The following BNC2 variants were observed in gnomAD, a reference collection of about 807,000 sequenced individuals.
BNC2 encodes the protein zinc finger protein basonuclin-2.
Under a neutral mutation model 76.3 loss-of-function variants are expected in BNC2, and 20 were observed. The observed-to-expected ratio is 0.26, with a 90% CI of 0.18 to 0.38. The LOEUF is 0.38. Among genes scored for constraint, BNC2 ranks in the 10% least tolerant of loss-of-function variants. The pLI is 1.00. For synonymous variants in BNC2, 582 were observed against 514.8 expected (o/e 1.13, Z -1.77); for missense variants, 1,382 against 1,399.8 (o/e 0.99, Z 0.20).
intron 1 of BNC2, among the ~76,000 whole-genome samples, chr9:16,746,174 G>A (rs1249462927): frequency 6.6e-6 from 1 of 152,158 alleles, no homozygotes; most frequent in African/African-American, 2.4e-5. Flanking sequence ...GCTCAAAGCA[G>A]TCACCCAGGA....
rs746276703 is a variant in BNC2 at position 16,436,706 on chromosome 9, G to T, written c.1488C>A (p.Arg496=). The part of the protein sequence containing the change: ...RNRHSANPNP[R]LHMPMLRNNR... ...TATTCCTTAGCATAGGCATGTGAAG[G>T]CGAGGATTGGGGTTTGCACTGTGGC... The change falls in exon 6 of 7, where the codon CGC becomes CGA. Residue 496 remains arginine (R), a synonymous_variant. Coordinates refer to ENST00000380672, the MANE Select transcript of BNC2 (RefSeq NM_017637.6). 1 of 1,614,004 alleles carries T rather than the reference G, an allele frequency of 6.2e-7. No individual in the cohort carries two copies. Among genetic ancestry groups the T allele is most frequent in the Non-Finnish European group, 8.5e-7 (1 of 1,180,018 alleles).
At chr9:16,802,370 G>C (rs1217599468) in intron 1 of BNC2, among the ~76,000 whole-genome samples, 6 of 152,176 alleles carry the variant, frequency 3.9e-5, no homozygotes, top group African/African-American at 1.2e-4. Context: ...CAAATCATCT[G>C]ACACTTGCAA....
chr9:16,659,706 G>C (rs575088403), intron 3 of BNC2, among the ~76,000 whole-genome samples: 1 of 151,956 alleles, frequency 6.6e-6, no homozygotes, highest in Admixed American at 6.6e-5. Context: ...TCTGTGCAGG[G>C]CTTGCTCTCT....
At chr9:16,799,468 C>G (rs9407777) in intron 1 of BNC2, among the ~76,000 whole-genome samples, 14,343 of 152,158 alleles carry the variant, frequency 0.094, 797 homozygotes, top group African/African-American at 0.15. Context: ...GCACCTGCCA[C>G]AACACCTGGC....
intron 1 of BNC2, among the ~76,000 whole-genome samples, chr9:16,834,712 T>C (rs1329909953): frequency 6.6e-6 from 1 of 152,212 alleles, no homozygotes; most frequent in African/African-American, 2.4e-5. Context: ...TGATTTTTAG[T>C]CTTTTTTCTC....
At chr9:16,625,920 G>A (rs940642119) in intron 3 of BNC2, 15 of 152,180 alleles carry the variant, frequency 9.9e-5, no homozygotes, top group Non-Finnish European at 1.3e-4. Context: ...AATTACAGTG[G>A]AGAATGTCTA....
At chr9:16,627,644 C>T (rs534613224) in intron 3 of BNC2, among the ~76,000 whole-genome samples, 19 of 152,242 alleles carry the variant, frequency 1.2e-4, no homozygotes, top group Non-Finnish European at 1.9e-4. Flanking sequence ...GACAAAGAAA[C>T]TCCCATTTAT....
intron 1 of BNC2, among the ~76,000 whole-genome samples, chr9:16,799,568 G>A (rs987222799): frequency 1.3e-5 from 2 of 152,042 alleles, no homozygotes; most frequent in African/African-American, 4.8e-5. Flanking sequence ...GCCCACCTTG[G>A]CATCAGAAAG....
At chr9:16,582,877 T>C in intron 4 of BNC2, 106 bp downstream of exon 4, 1 of 872,272 alleles carries the variant, frequency 1.1e-6, no homozygotes, top group Non-Finnish European at 1.9e-6. Context: ...TCCAGGCCAG[T>C]GACTCCTCTA....
chr9:16,555,568 G>A (rs1336766130), intron 4 of BNC2, among the ~76,000 whole-genome samples: 1 of 151,620 alleles, frequency 6.6e-6, no homozygotes, highest in Non-Finnish European at 1.5e-5. Flanking sequence ...AGGCGAGACG[G>A]CAGATTGCCT....
At chr9:16,566,060 A>C (rs1010961630) in intron 4 of BNC2, among the ~76,000 whole-genome samples, 3 of 152,122 alleles carry the variant, frequency 2.0e-5, no homozygotes, top group African/African-American at 7.2e-5. Flanking sequence ...CTTTCTTATT[A>C]ACTCCTCTAA....
chr9:16,774,320 G>T (rs905750905), intron 1 of BNC2, among the ~76,000 whole-genome samples: 1 of 152,102 alleles, frequency 6.6e-6, no homozygotes, highest in Non-Finnish European at 1.5e-5. Flanking sequence ...ACTACTATTC[G>T]TTACATCTGA....
intron 3 of BNC2, among the ~76,000 whole-genome samples, chr9:16,634,022 C>T (rs957659233): frequency 2.6e-5 from 4 of 152,146 alleles, no homozygotes; most frequent in African/African-American, 2.4e-5. Flanking sequence ...CTACCCTATC[C>T]AAGCGTTTCT....
At chr9:16,775,697 T>G (rs1825946734) in intron 1 of BNC2, 1 of 221,730 alleles carries the variant, frequency 4.5e-6, no homozygotes, top group Admixed American at 4.3e-5. Context: ...TAGGATTTCT[T>G]CAATGGATAC....
chr9:16,800,472 C>T (rs12338608), intron 1 of BNC2, among the ~76,000 whole-genome samples: 14,285 of 151,736 alleles, frequency 0.094, 915 homozygotes, highest in Admixed American at 0.21. Context: ...ATATTCTTTT[C>T]ATATCAAAAA....
chr9:16,503,076 TGAA>T (rs1450105500), intron 5 of BNC2, among the ~76,000 whole-genome samples: 1 of 152,136 alleles, frequency 6.6e-6, no homozygotes, highest in African/African-American at 2.4e-5. Flanking sequence ...AATTTTCACA[TGAA>T]GAAGAGAAAT....
intron 1 of BNC2, among the ~76,000 whole-genome samples, chr9:16,862,810 CTG>C (rs1457233021): frequency 1.3e-5 from 2 of 152,020 alleles, no homozygotes; most frequent in Non-Finnish European, 2.9e-5. Flanking sequence ...GGAAATGAAA[CTG>C]TTAGAAAAAG....
Position 16,437,450 on chromosome 9 carries a change from A to C in BNC2, c.744T>G (p.Phe248Leu), listed in dbSNP as rs766596466. 6.2e-7 allele frequency: 1 copy of C among 1,613,176 alleles called. No homozygotes were observed. Among genetic ancestry groups the C allele is most frequent in the South Asian group, 1.1e-5 (1 of 90,960 alleles). ...REEEIITLQQFLRFGETKSIV... is the reference protein window; with the variant it reads ...REEEIITLQQLLRFGETKSIV... ...TGGATTTGGTTTCTCCAAACCGCAG[A>C]AACTGCTGAAGGGTGATGATTTCCT... is the stretch of plus-strand genomic sequence containing the variant. The change falls in exon 6 of 7, where the codon TTT becomes TTG. Residue 248 changes from phenylalanine (F) to leucine (L), a missense_variant. Phe to Leu is a conservative substitution (Grantham distance 22). This residue lies in a region of BNC2 where 557 missense variants were observed against 540.9 expected (regional missense o/e 1.03). Transcript: ENST00000380672.
chr9:16,773,706 A>C lies in BNC2; in HGVS notation c.4-35221T>G, dbSNP rs1339199930. On this transcript the variant is annotated intron_variant, in intron 1 of 6. Coordinates refer to ENST00000380672, the MANE Select transcript of BNC2 (RefSeq NM_017637.6). Reference sequence around the variant, plus strand: ...CATGAGAGCCCAAGGTGCTTGGAGGAAACTTTCCGTTCATCTTACACTGTG... The same window carrying C: ...CATGAGAGCCCAAGGTGCTTGGAGGCAACTTTCCGTTCATCTTACACTGTG... Among the ~76,000 whole-genome samples, 4 of 152,240 alleles carry C rather than the reference A, an allele frequency of 2.6e-5. No homozygotes were observed. The East Asian group carries it at 7.7e-4, about 29-fold the overall frequency.
Sources: gnomAD v4.1 joint callset for allele counts (sites outside exome capture counted in the v4.1 genomes callset) on GRCh38, gnomAD v4.1.1 for gene constraint, gnomAD v4.1.1 regional missense constraint, MANE v1.5 for transcripts, NCBI Gene and HGNC (gene_info 2026-07-23, HGNC 2026-07-21) for gene names.